DYRK1A: variants seen among roughly 807,000 people sequenced by gnomAD.
DYRK1A encodes the protein dual specificity tyrosine phosphorylation regulated kinase 1A, also known as dual specificity tyrosine-phosphorylation-regulated kinase 1A.
Under a neutral mutation model 79.7 loss-of-function variants are expected in DYRK1A, and 9 were observed. The ratio of observed to expected loss-of-function variants is 0.11; its 90% confidence interval spans 0.07 to 0.20. DYRK1A has a LOEUF of 0.20. Ranked by LOEUF, DYRK1A falls within the 10% of genes least tolerant of loss-of-function variation. The probability of loss-of-function intolerance (pLI) is 1.00; values close to 1 mark genes in which losing one functional copy is unlikely to be tolerated. For synonymous variants in DYRK1A, 349 were observed against 329.7 expected, an observed-to-expected ratio of 1.06 and a Z score of -0.63; for missense variants, 622 against 956.0, an observed-to-expected ratio of 0.65 and a Z score of 4.61.
chr21:37,395,330 C>T (rs559707464), intron 1 of DYRK1A, among the ~76,000 whole-genome samples: 1 of 152,244 alleles, frequency 6.6e-6, no homozygotes, highest in South Asian at 2.1e-4. Flanking sequence ...TATTCTTATT[C>T]TCTGTAAGGA....
chr21:37,476,825 C>CCG (rs1555978524), intron 3 of DYRK1A, among the ~76,000 whole-genome samples: 2 of 145,514 alleles, frequency 1.4e-5, no homozygotes, highest in African/African-American at 5.3e-5. Context: ...GGTTCCCCCC[C>CCG]CCCCCAACCT....
chr21:37,462,949 A>G (rs2051893355), intron 2 of DYRK1A, among the ~76,000 whole-genome samples: 1 of 152,162 alleles, frequency 6.6e-6, no homozygotes, highest in African/African-American at 2.4e-5. Flanking sequence ...GGTACCAGGT[A>G]CTCTACAAAG....
At chr21:37,436,517 T>C (rs964612349) in intron 2 of DYRK1A, among the ~76,000 whole-genome samples, 1 of 152,180 alleles carries the variant, frequency 6.6e-6, no homozygotes, top group Non-Finnish European at 1.5e-5. Context: ...GGTTAAAGCA[T>C]AGGACTCTTT....
intron 3 of DYRK1A, 30 bp downstream of exon 3, chr21:37,472,910 T>A (rs572528497): frequency 8.4e-6 from 12 of 1,429,000 alleles, no homozygotes; most frequent in Non-Finnish European, 1.0e-5. Flanking sequence ...GAAATGACTA[T>A]TGGAATGGCA....
chr21:37,498,835 T>C (rs906506841), intron 9 of DYRK1A, among the ~76,000 whole-genome samples: 2 of 152,204 alleles, frequency 1.3e-5, no homozygotes, highest in African/African-American at 4.8e-5. Flanking sequence ...GTATGGTTTG[T>C]CTGTTGGGTT....
chr21:37,434,646 G>T (rs2050872462), intron 2 of DYRK1A, among the ~76,000 whole-genome samples: 1 of 152,010 alleles, frequency 6.6e-6, no homozygotes, highest in Admixed American at 6.6e-5. Context: ...TTATTTACTT[G>T]GTCTCAGTCT....
chr21:37,417,216 G>A (rs1394817279), intron 1 of DYRK1A, among the ~76,000 whole-genome samples: 1 of 151,994 alleles, frequency 6.6e-6, no homozygotes, highest in Non-Finnish European at 1.5e-5. Context: ...TGGAGACAGA[G>A]TTTCCCTCTT....
intron 2 of DYRK1A, among the ~76,000 whole-genome samples, chr21:37,462,209 G>T (rs1005465587): frequency 2.0e-5 from 3 of 152,034 alleles, no homozygotes; most frequent in African/African-American, 7.3e-5. Context: ...CTTGCTTCTT[G>T]CTGTGCCTAG....
In DYRK1A at chr21:37,508,300, C is replaced by T. The variant is rs2053654120; in HGVS notation, c.1644+2077C>T. Among the ~76,000 whole-genome samples the T allele has an allele frequency of 1.3e-5, 2 of 152,062 alleles. 1 individual carries two copies. The highest frequency in any genetic ancestry group is 1.3e-4 in the Admixed American group (2 of 15,276). ...GCTATTTTCCCTACTTTTTTTCTCC[C>T]CTGCTGAGACGGAGTCTTGCTCTGT... On this transcript the variant is annotated intron_variant, in intron 11 of 11. Transcript: ENST00000647188.
intron 2 of DYRK1A, among the ~76,000 whole-genome samples, chr21:37,468,370 G>C (rs929230855): frequency 3.9e-5 from 6 of 151,976 alleles, no homozygotes; most frequent in African/African-American, 7.3e-5. Flanking sequence ...GCCTCCCAAA[G>C]CCCTGCAATT....
intron 2 of DYRK1A, among the ~76,000 whole-genome samples, chr21:37,432,932 C>T (rs1178250158): frequency 2.7e-5 from 4 of 149,162 alleles, no homozygotes; most frequent in Non-Finnish European, 3.0e-5. Context: ...GCCGAGATCG[C>T]GCCATTGCAC....
Position 37,416,280 on chromosome 21 carries a change from G to A in DYRK1A, c.-76-4019G>A, listed in dbSNP as rs193053415. 1.4e-3 allele frequency among the ~76,000 whole-genome samples: 199 copies of A among 141,306 alleles called. 1 individual carries two copies. Among genetic ancestry groups the A allele is most frequent in the African/African-American group, 4.7e-3 (181 of 38,300 alleles). 92.7% of individuals were successfully genotyped at this position (141,306 alleles called of 152,430 possible). ...CTGTAGTTTTACTAACCATTTTGGT[G>A]CAATATTATATTCTTTATAAAGTCT... On this transcript the variant is annotated intron_variant, in intron 1 of 11. Coordinates refer to ENST00000647188, the MANE Select transcript of DYRK1A (RefSeq NM_001347721.2).
intron 3 of DYRK1A, among the ~76,000 whole-genome samples, chr21:37,477,433 A>G (rs2052439833): frequency 6.6e-6 from 1 of 152,200 alleles, no homozygotes; most frequent in South Asian, 2.1e-4. Flanking sequence ...ATCCAGGATC[A>G]TTGATGCTAG....
intron 5 of DYRK1A, among the ~76,000 whole-genome samples, chr21:37,484,716 G>GACT (rs1338379835): frequency 1.3e-5 from 2 of 152,158 alleles, no homozygotes; most frequent in African/African-American, 4.8e-5. Context: ...GGCCCCTGAT[G>GACT]ACTCAGTCTT....
intron 1 of DYRK1A, among the ~76,000 whole-genome samples, chr21:37,398,071 AAAAAAAT>A (rs1387387338): frequency 9.5e-6 from 1 of 104,942 alleles, no homozygotes; most frequent in Non-Finnish European, 2.1e-5. Flanking sequence ...ATCTCTTAAA[AAAAAAAT>A]ATATATATAT....
chr21:37,512,040 C>A lies in DYRK1A; in HGVS notation c.1774C>A (p.His592Asn), dbSNP rs1240334378. Residue 592 changes from histidine to asparagine, a missense_variant, in exon 12 of 12, where the codon CAC becomes AAC. His to Asn is a moderately conservative substitution (Grantham distance 68). Around this residue, in one of 5 missense-constraint regions of DYRK1A, gnomAD observed 292 missense variants for 316.7 expected, o/e 0.92. Coordinates refer to ENST00000647188, the MANE Select transcript of DYRK1A (RefSeq NM_001347721.2). ...CCCTCAACAGAATGCATTGCATCAT[C>A]ACCATGGTAACAGTTCCCATCACCA... ...VAPQQNALHH[H>N]HGNSSHHHHH... The A allele has an allele frequency of 6.2e-7, 1 of 1,614,158 alleles. No homozygotes were observed.
intron 2 of DYRK1A, among the ~76,000 whole-genome samples, chr21:37,427,028 A>G (rs2050644809): frequency 6.6e-6 from 1 of 152,234 alleles, no homozygotes; most frequent in South Asian, 2.1e-4. Flanking sequence ...CAACATACAA[A>G]TAACAGGAGG....
rs1457421913 is a variant in DYRK1A, at chr21:37,513,507, T to C, written c.*976T>C. The C allele has an allele frequency of 6.5e-6, 1 of 152,672 alleles. No homozygotes were observed. Among genetic ancestry groups the C allele is most frequent in the Non-Finnish European group, 1.5e-5 (1 of 68,046 alleles). The allele number at this position is 152,672 out of a possible 1,614,324, so 9.5% of individuals were successfully genotyped here. On this transcript the variant is annotated 3_prime_UTR_variant, in exon 12 of 12. Transcript: ENST00000647188. ...GCCTTTCTTTTAAAATAGACTTTTG[T>C]GACCCACTAATTGTAAGGTATTGCA...
intron 2 of DYRK1A, chr21:37,464,320 G>T: frequency 2.0e-6 from 1 of 490,434 alleles, no homozygotes; most frequent in Non-Finnish European, 4.0e-6. Context: ...ATAGTTCCTT[G>T]CTAGAACATA....
Sources: allele counts gnomAD v4.1 joint callset (sites outside exome capture counted in the v4.1 genomes callset), GRCh38; gene constraint gnomAD v4.1.1; regional missense constraint gnomAD v4.1.1; transcripts MANE v1.5; gene names NCBI Gene and HGNC (gene_info 2026-07-23, HGNC 2026-07-21).